BABAM2: variants seen among roughly 807,000 people sequenced by gnomAD.
The protein encoded by BABAM2 is BRISC and BRCA1 A complex member 2.
Under a neutral mutation model 54.7 loss-of-function variants are expected in BABAM2, and 31 were observed. The ratio of observed to expected loss-of-function variants is 0.57; its 90% confidence interval spans 0.43 to 0.77. The LOEUF (loss-of-function observed/expected upper bound fraction) is 0.77. Ranked by LOEUF, BABAM2 falls within the 30% of genes least tolerant of loss-of-function variation. The probability of loss-of-function intolerance (pLI) is 0.00; values close to 1 mark genes in which losing one functional copy is unlikely to be tolerated. For synonymous variants in BABAM2, 167 were observed against 162.9 expected, an observed-to-expected ratio of 1.03 and a Z score of -0.19; for missense variants, 364 against 455.8, an observed-to-expected ratio of 0.80 and a Z score of 1.83.
At chr2:28,182,088 G>A (rs181809448) in intron 7 of BABAM2, among the ~76,000 whole-genome samples, 1 of 152,298 alleles carries the variant, frequency 6.6e-6, no homozygotes, top group East Asian at 1.9e-4. Flanking sequence ...CATGGAGCCA[G>A]GGAGAAAGAT....
At chr2:28,105,199 A>G (rs1483398957) in intron 6 of BABAM2, among the ~76,000 whole-genome samples, 1 of 152,146 alleles carries the variant, frequency 6.6e-6, no homozygotes. Flanking sequence ...AAAACATAAT[A>G]ATAATAAAGT....
intron 7 of BABAM2, among the ~76,000 whole-genome samples, chr2:28,147,943 A>AT (rs1227383077): frequency 1.3e-5 from 2 of 152,062 alleles, no homozygotes; most frequent in Non-Finnish European, 2.9e-5. Flanking sequence ...ACCTCCCTAC[A>AT]TTTCATACAC....
At position 28,237,308 on chromosome 2, in the gene BABAM2, G is replaced by A. The variant is rs199564876; in HGVS notation, c.780+7G>A. ...CCACCTGCTCACCAACAAGGTAAAA[G>A]CAAGTCCCCAACTCATCCCTCTTAT... On this transcript the variant is annotated splice_region_variant and intron_variant, in intron 8 of 11. Coordinates refer to ENST00000379624, the MANE Select transcript of BABAM2 (RefSeq NM_199191.3). 6.0e-4 allele frequency: 970 copies of A among 1,605,360 alleles called. 4 individuals carry two copies. In the African/African-American group the frequency reaches 0.012, roughly 20 times the overall value.
intron 7 of BABAM2, among the ~76,000 whole-genome samples, chr2:28,204,363 A>G (rs1678601632): frequency 6.6e-6 from 1 of 152,200 alleles, no homozygotes; most frequent in South Asian, 2.1e-4. Flanking sequence ...CCAAGACCTC[A>G]GAGAATTCTA....
chr2:27,964,763 A>G (rs1315078546), intron 3 of BABAM2, among the ~76,000 whole-genome samples: 1 of 152,166 alleles, frequency 6.6e-6, no homozygotes, highest in African/African-American at 2.4e-5. Context: ...AAATTGTCCA[A>G]GATGATTTTA....
At chr2:28,254,717 A>AT (rs1353362587) in intron 10 of BABAM2, among the ~76,000 whole-genome samples, 6 of 139,582 alleles carry the variant, frequency 4.3e-5, no homozygotes, top group Non-Finnish European at 7.8e-5. Context: ...ACAGATAAGG[A>AT]TTTTTTTTCA....
At chr2:28,276,636 C>A (rs1319035571) in intron 10 of BABAM2, among the ~76,000 whole-genome samples, 1 of 152,162 alleles carries the variant, frequency 6.6e-6, no homozygotes, top group African/African-American at 2.4e-5. Context: ...CAATAGAAAT[C>A]TCAGCCTCAC....
intron 4 of BABAM2, among the ~76,000 whole-genome samples, chr2:27,991,361 G>T (rs1672761890): frequency 6.6e-6 from 1 of 152,158 alleles, no homozygotes; most frequent in South Asian, 2.1e-4. Context: ...TCTGGAGACA[G>T]TTCAAAAGTT....
intron 3 of BABAM2, among the ~76,000 whole-genome samples, chr2:27,976,246 T>A (rs1671594380): frequency 6.6e-6 from 1 of 152,112 alleles, no homozygotes; most frequent in Non-Finnish European, 1.5e-5. Context: ...ACGCAAAACA[T>A]GTACATATAT....
At chr2:28,024,352 G>A (rs952660913) in intron 4 of BABAM2, among the ~76,000 whole-genome samples, 3 of 151,580 alleles carry the variant, frequency 2.0e-5, no homozygotes, top group Non-Finnish European at 4.4e-5. Flanking sequence ...CTTGCAGTGA[G>A]CCGAGATCGC....
At chr2:28,107,487 G>C (rs1667628196) in intron 6 of BABAM2, among the ~76,000 whole-genome samples, 1 of 152,020 alleles carries the variant, frequency 6.6e-6, no homozygotes, top group South Asian at 2.1e-4. Flanking sequence ...CATCCTTCCT[G>C]AACAGTCCCT....
rs111745898 is a variant in BABAM2 at position 28,199,189 on chromosome 2, G to A, written c.681-38013G>A. ...AATTGATTTTAGAAGTGCTGTGCCA[G>A]TTGGTGTAATCCCAGAAGCAAGGTG... On this transcript the variant is annotated intron_variant, in intron 7 of 11. Coordinates refer to ENST00000379624, the MANE Select transcript of BABAM2 (RefSeq NM_199191.3). Among the ~76,000 whole-genome samples the A allele has an allele frequency of 8.5e-3, 1,293 of 152,364 alleles. 19 individuals are homozygous for A. The highest frequency in any genetic ancestry group is 0.029 in the African/African-American group (1,219 of 41,586).
At chr2:28,043,153 G>C (rs774888186) in intron 5 of BABAM2, among the ~76,000 whole-genome samples, 16 of 149,866 alleles carry the variant, frequency 1.1e-4, no homozygotes, top group Non-Finnish European at 1.8e-4. Flanking sequence ...TTTTTAGACG[G>C]AGTCTTGCTC....
intron 3 of BABAM2, among the ~76,000 whole-genome samples, chr2:27,979,894 A>G (rs1558633683): frequency 6.6e-6 from 1 of 152,210 alleles, no homozygotes; most frequent in Non-Finnish European, 1.5e-5. Context: ...TCCACTCTGC[A>G]TATCTGGTAA....
rs527315951 is a variant in BABAM2, at chr2:28,031,143, A to G, written c.495+5723A>G. ...TACTTCTTTAAGGAAGGGTAGTATC[A>G]TAAACTTAGATGATCTCATTTTCAG... On this transcript the variant is annotated intron_variant, in intron 5 of 11. Transcript: ENST00000379624. Among the ~76,000 whole-genome samples the G allele has an allele frequency of 5.3e-5, 8 of 152,362 alleles. No individual in the cohort carries two copies. In the South Asian group the frequency reaches 1.7e-3, roughly 32 times the overall value.
intron 2 of BABAM2, chr2:27,897,282 C>T (rs1410351715): frequency 6.6e-6 from 1 of 152,172 alleles, no homozygotes; most frequent in African/African-American, 2.4e-5. Flanking sequence ...TGTTGTTTGA[C>T]CAAGCTAAAG....
Position 28,294,395 on chromosome 2 carries a change from G to A in BABAM2, c.935-3943G>A, listed in dbSNP as rs184496364. Among the ~76,000 whole-genome samples, 1,076 of 149,520 alleles carry A rather than the reference G, an allele frequency of 7.2e-3. 9 individuals are homozygous for A. The highest frequency in any genetic ancestry group is 0.025 in the African/African-American group (1,016 of 40,774). ...ACTCCATCTCAAAAAAAAAAAAAAA[G>A]GAAAGAAAGCAAATGGTTAAAGTGT... On this transcript the variant is annotated intron_variant, in intron 10 of 11. Coordinates refer to ENST00000379624, the MANE Select transcript of BABAM2 (RefSeq NM_199191.3).
chr2:28,193,149 G>A (rs929090347), intron 7 of BABAM2, among the ~76,000 whole-genome samples: 2 of 152,078 alleles, frequency 1.3e-5, no homozygotes, highest in African/African-American at 4.8e-5. Context: ...CAACATGGGC[G>A]ACATGAGCAA....
chr2:28,081,647 C>G (rs1020006585), intron 6 of BABAM2, among the ~76,000 whole-genome samples: 1 of 152,164 alleles, frequency 6.6e-6, no homozygotes, highest in Non-Finnish European at 1.5e-5. Context: ...TTTCTTAATG[C>G]TACGCTACTC....
Sources: allele counts gnomAD v4.1 joint callset (sites outside exome capture counted in the v4.1 genomes callset), GRCh38; gene constraint gnomAD v4.1.1; transcripts MANE v1.5; gene names NCBI Gene and HGNC (gene_info 2026-07-23, HGNC 2026-07-21).